The following ARHGAP32 variants were observed in gnomAD, a reference collection of about 807,000 sequenced individuals.
ARHGAP32 encodes the protein rho GTPase-activating protein 32.
A neutral mutation model predicts 186.5 loss-of-function variants in ARHGAP32; 51 were observed. The ratio of observed to expected loss-of-function variants is 0.27; its 90% CI spans 0.22 to 0.35. The LOEUF (loss-of-function observed/expected upper bound fraction) is 0.35, where lower values mean the gene tolerates loss of function less well. Among genes scored for constraint, ARHGAP32 ranks in the 10% least tolerant of loss-of-function variants. ARHGAP32 has a pLI of 1.00. For missense variants in ARHGAP32, 2,186 were observed against 2,623.5 expected, an observed-to-expected ratio of 0.83 and a Z score of 3.64; for synonymous variants, 950 against 964.3, an observed-to-expected ratio of 0.99 and a Z score of 0.27.
rs552799964 is a variant in ARHGAP32, at chr11:129,014,649, TTAATACC to T, written c.1046-16188_1046-16182del. Among the ~76,000 whole-genome samples the T allele has an allele frequency of 9.8e-5, 15 of 152,330 alleles. No individual in the cohort carries two copies. The South Asian group carries it at 2.9e-3, about 29-fold the overall frequency. On this transcript the variant is annotated intron_variant, in intron 11 of 22. Coordinates refer to ENST00000682385, the MANE Select transcript of ARHGAP32 (RefSeq NM_001378024.1). The stretch of plus-strand genomic sequence containing the variant: ...ATTAGAATGTAGTAGTGGGAATATA[TTAATACC>T]TGTGCAGATTGTTCTGATTAAACCA...
chr11:129,216,649 C>T (rs113323980), intron 1 of ARHGAP32, among the ~76,000 whole-genome samples: 18,334 of 135,554 alleles, frequency 0.14, 1,292 homozygotes, highest in Middle Eastern at 0.17. Flanking sequence ...CCAGCCTGGG[C>T]GACAGAGTGA....
intron 6 of ARHGAP32, among the ~76,000 whole-genome samples, chr11:129,073,915 A>G (rs1940952329): frequency 6.6e-6 from 1 of 152,200 alleles, no homozygotes; most frequent in South Asian, 2.1e-4. Flanking sequence ...CCACAGAAGC[A>G]AGAAGAGAGT....
At chr11:129,047,830 T>C (rs545741202) in intron 10 of ARHGAP32, among the ~76,000 whole-genome samples, 1 of 152,298 alleles carries the variant, frequency 6.6e-6, no homozygotes, top group South Asian at 2.1e-4. Flanking sequence ...GTCAATTAGT[T>C]TGTCTGCTAT....
intron 1 of ARHGAP32, among the ~76,000 whole-genome samples, chr11:129,178,164 C>A (rs1164188096): frequency 6.6e-6 from 1 of 151,526 alleles, no homozygotes; most frequent in Admixed American, 6.6e-5. Flanking sequence ...AAACAGAGAG[C>A]CAAATCATGA....
chr11:129,074,114 C>A (rs571738337), intron 6 of ARHGAP32, among the ~76,000 whole-genome samples: 1 of 152,200 alleles, frequency 6.6e-6, no homozygotes, highest in Non-Finnish European at 1.5e-5. Flanking sequence ...AAGAAAATGA[C>A]ACAGATCAGA....
chr11:129,136,542 T>C (rs192587801), intron 2 of ARHGAP32, among the ~76,000 whole-genome samples: 2 of 152,064 alleles, frequency 1.3e-5, no homozygotes, highest in East Asian at 3.9e-4. Flanking sequence ...AAACAGACAA[T>C]AGCAAGGAAG....
At chr11:129,252,570 G>A (rs1431594691) in intron 1 of ARHGAP32, among the ~76,000 whole-genome samples, 2 of 152,276 alleles carry the variant, frequency 1.3e-5, no homozygotes, top group East Asian at 1.9e-4. Context: ...AGATATAAAG[G>A]GCAGCAGAAG....
intron 1 of ARHGAP32, among the ~76,000 whole-genome samples, chr11:129,187,230 A>G (rs1050578929): frequency 6.6e-6 from 1 of 152,200 alleles, no homozygotes; most frequent in African/African-American, 2.4e-5. Context: ...GGTTGGAGCT[A>G]GAGGTCATTA....
Position 128,973,341 on chromosome 11 carries a change from TC to T in ARHGAP32, c.3164del (p.Arg1055GlnfsTer5). ...ACTCAGCTAATGCTAGCGCCAACATTCGGGCAACATTTTTCGGAGGCGGTGG... is the reference window on the plus strand; with the variant it reads ...ACTCAGCTAATGCTAGCGCCAACATTGGGCAACATTTTTCGGAGGCGGTGG... Reference protein sequence around the residue: ...PPPPPPKNVARMLALALAESA... With the variant: ...PPPPPPKNVAXMLALALAESA... On this transcript the variant is annotated frameshift_variant, in exon 22 of 23. Transcript: ENST00000682385. LOFTEE classifies it high-confidence loss of function. 1 of 1,614,156 alleles carries T rather than the reference TC, an allele frequency of 6.2e-7. No individual in the cohort carries two copies. The highest frequency in any genetic ancestry group is 8.5e-7 in the Non-Finnish European group (1 of 1,180,032).
At chr11:129,244,440 A>C (rs1241544236) in intron 1 of ARHGAP32, among the ~76,000 whole-genome samples, 1 of 152,254 alleles carries the variant, frequency 6.6e-6, no homozygotes, top group Non-Finnish European at 1.5e-5. Flanking sequence ...TTTATTTTTT[A>C]AACGTTTTCT....
intron 12 of ARHGAP32, chr11:128,993,142 TATA>T (rs1256363594): frequency 6.6e-6 from 1 of 152,224 alleles, no homozygotes; most frequent in African/African-American, 2.4e-5. Context: ...GTTTAGAAAG[TATA>T]ATAAGATAAT....
intron 5 of ARHGAP32, among the ~76,000 whole-genome samples, chr11:129,110,742 T>C (rs1431000867): frequency 2.0e-5 from 3 of 152,188 alleles, no homozygotes. Flanking sequence ...ATTTCATTAC[T>C]GCTATATAGA....
In ARHGAP32 at chr11:128,970,353, T is replaced by C. The variant is rs1420119669; in HGVS notation, c.4860A>G (p.Pro1620=). 2 of 1,614,120 alleles carry C rather than the reference T, an allele frequency of 1.2e-6. No individual in the cohort carries two copies. The highest frequency in any genetic ancestry group is 1.3e-5 in the African/African-American group (1 of 75,034). Residue 1620 remains proline (P), a synonymous_variant, in exon 23 of 23, where the codon CCA becomes CCG. Transcript: ENST00000682385. This position sits in a 1 kb window ranked among gnomAD's most constrained non-coding sequence, Gnocchi z 5.8. ...TTGGGCAGTAGGCTGGCTCATCATC[T>C]GGGGGAACTTCTGTCCGTGAAATGG... ...SVPISRTEVP[P]DDEPAYCPRP...
At chr11:129,094,127 C>A (rs900966278) in intron 5 of ARHGAP32, among the ~76,000 whole-genome samples, 1 of 151,670 alleles carries the variant, frequency 6.6e-6, no homozygotes, top group African/African-American at 2.4e-5. Context: ...TTAATGGGTA[C>A]AAAATAAACA....
chr11:129,076,085 A>ATGT (rs1941033846), intron 6 of ARHGAP32, among the ~76,000 whole-genome samples: 2 of 152,306 alleles, frequency 1.3e-5, no homozygotes, highest in Admixed American at 1.3e-4. Context: ...ATGTACTAGC[A>ATGT]CGCTAAAAGA....
chr11:129,056,432 A>T (rs984877967), intron 10 of ARHGAP32, among the ~76,000 whole-genome samples: 1 of 152,098 alleles, frequency 6.6e-6, no homozygotes, highest in African/African-American at 2.4e-5. Context: ...ATTTTAGTAG[A>T]GATGAGGTTT....
intron 2 of ARHGAP32, among the ~76,000 whole-genome samples, chr11:129,131,803 C>T (rs1942816593): frequency 6.6e-6 from 1 of 152,092 alleles, no homozygotes; most frequent in Non-Finnish European, 1.5e-5. Flanking sequence ...AGTAGAGAAA[C>T]AATAAAGGAA....
At chr11:128,976,315 T>C (rs1032886352) in intron 20 of ARHGAP32, among the ~76,000 whole-genome samples, 1 of 152,106 alleles carries the variant, frequency 6.6e-6, no homozygotes, top group Non-Finnish European at 1.5e-5. Flanking sequence ...AATAGTTAAC[T>C]TGAAATATTT....
chr11:129,228,144 A>T (rs939283197), intron 1 of ARHGAP32, among the ~76,000 whole-genome samples: 1 of 152,226 alleles, frequency 6.6e-6, no homozygotes, highest in African/African-American at 2.4e-5. Flanking sequence ...AAAAGAATTC[A>T]GATGGGAAAT....
Sources: gnomAD v4.1 joint callset for allele counts (sites outside exome capture counted in the v4.1 genomes callset) on GRCh38, gnomAD v4.1.1 for gene constraint, Gnocchi (gnomAD v3.1) non-coding constraint, MANE v1.5 for transcripts, NCBI Gene and HGNC (gene_info 2026-07-23, HGNC 2026-07-21) for gene names.